AKAP11: variants seen among roughly 807,000 people sequenced by gnomAD.
AKAP11 encodes the protein A-kinase anchoring protein 11, also known as A-kinase anchor protein 11.
A neutral mutation model predicts 146.1 loss-of-function variants in AKAP11; 36 were observed. The observed-to-expected ratio is 0.25, with a 90% CI of 0.19 to 0.33. The LOEUF (loss-of-function observed/expected upper bound fraction) is 0.33. AKAP11 is among the 10% of genes least tolerant of loss of function. AKAP11 has a pLI of 1.00. For synonymous variants in AKAP11, 780 were observed against 786.5 expected (o/e 0.99, Z 0.14); for missense variants, 2,201 against 2,197.0 (o/e 1.00, Z -0.04).
At chr13:42,317,825 A>G in intron 12 of AKAP11, 137 bp downstream of exon 12, 1 of 948,182 alleles carries the variant, frequency 1.1e-6, no homozygotes, top group Middle Eastern at 3.4e-4. Flanking sequence ...TTCAGACATC[A>G]GCTCTGCCAC....
In AKAP11 at chr13:42,302,764, A is replaced by G; in HGVS notation, c.4018A>G (p.Ser1340Gly). The change falls in exon 8 of 13, where the codon AGT becomes GGT. Residue 1340 changes from serine to glycine, a missense_variant. By Grantham distance (56) the Ser-to-Gly change is moderately conservative (BLOSUM62 0). Coordinates refer to ENST00000025301, the MANE Select transcript of AKAP11 (RefSeq NM_016248.4). ...GATGTATAAGTATCCCAGCTGTGAA[A>G]GTGTGACAGATGAATATGCAGGTCA... ...GLMYKYPSCE[S>G]VTDEYAGHLI... is the part of the protein sequence containing the mutation. 6.2e-7 allele frequency: 1 copy of G among 1,614,178 alleles called. No homozygotes were observed. The highest frequency in any genetic ancestry group is 8.5e-7 in the Non-Finnish European group (1 of 1,180,022).
chr13:42,296,141 T>G (rs189169398), intron 5 of AKAP11, among the ~76,000 whole-genome samples: 2 of 152,316 alleles, frequency 1.3e-5, no homozygotes, highest in Admixed American at 1.3e-4. Context: ...AGGCATACTT[T>G]TCTTTTTCCC....
At position 42,291,400 on chromosome 13, in the gene AKAP11, G is replaced by A. The variant is rs145080122; in HGVS notation, c.52-985G>A. 8.7e-3 allele frequency among the ~76,000 whole-genome samples: 1,326 copies of A among 152,184 alleles called. 15 individuals carry two copies. The highest frequency in any genetic ancestry group is 0.079 in the East Asian group (409 of 5,170). On this transcript the variant is annotated intron_variant, in intron 3 of 12. Coordinates refer to ENST00000025301, the MANE Select transcript of AKAP11 (RefSeq NM_016248.4). Reference sequence around the variant, plus strand: ...TCCGAGCAGCTGGGATTACAGGCACGTGGCACCATGCCAGGCTAATTTGTG... The same window carrying A: ...TCCGAGCAGCTGGGATTACAGGCACATGGCACCATGCCAGGCTAATTTGTG...
At chr13:42,296,484 T>C (rs1042884001) in intron 5 of AKAP11, among the ~76,000 whole-genome samples, 2 of 152,284 alleles carry the variant, frequency 1.3e-5, no homozygotes, top group East Asian at 1.9e-4. Flanking sequence ...TCAAAGACTT[T>C]AATAATTCTT....
chr13:42,290,875 G>A (rs1202803162), intron 3 of AKAP11, among the ~76,000 whole-genome samples: 1 of 152,136 alleles, frequency 6.6e-6, no homozygotes, highest in African/African-American at 2.4e-5. Context: ...TTTCCCCAGG[G>A]AAATCTAGTT....
rs1960027559 is a variant in AKAP11 at position 42,302,924 on chromosome 13, C to T, written c.4178C>T (p.Ser1393Leu). 6.2e-7 allele frequency: 1 copy of T among 1,613,776 alleles called. No individual in the cohort carries two copies. The highest frequency in any genetic ancestry group is 2.2e-5 in the East Asian group (1 of 44,866). ...AAKTTKVQCN[S>L]RMFPVPSSQV... The stretch of plus-strand genomic sequence containing the variant: ...AAGACAACCAAAGTGCAGTGCAACT[C>T]AAGAATGTTCCCTGTGCCAAGTTCA... Residue 1393 changes from serine to leucine, a missense_variant, in exon 8 of 13, where the codon TCA (serine) becomes TTA (leucine). By Grantham distance (145) the Ser-to-Leu change is moderately radical. This residue lies in a region of AKAP11 where 1,867 missense variants were observed against 1,833.5 expected (regional missense o/e 1.02). Coordinates refer to ENST00000025301, the MANE Select transcript of AKAP11 (RefSeq NM_016248.4).
rs755780952 is a variant in AKAP11, at chr13:42,301,253, T to C, written c.2507T>C (p.Ile836Thr). The C allele has an allele frequency of 1.1e-5, 18 of 1,613,856 alleles. No homozygotes were observed. Among genetic ancestry groups the C allele is most frequent in the Admixed American group, 1.7e-5 (1 of 59,964 alleles). Residue 836 changes from isoleucine (I) to threonine (T), a missense_variant, in exon 8 of 13, where the codon ATT (isoleucine) becomes ACT (threonine). By Grantham distance (89) the Ile-to-Thr change is moderately conservative. This residue lies in a region of AKAP11 where 1,867 missense variants were observed against 1,833.5 expected (regional missense o/e 1.02). Transcript: ENST00000025301. ...REEKAACLRN[I>T]CLPSEHNPGN... ...GAAAAAGCAGCTTGTCTCAGAAATATTTGTTTACCTTCAGAACACAATCCA... is the reference window on the plus strand; with the variant it reads ...GAAAAAGCAGCTTGTCTCAGAAATACTTGTTTACCTTCAGAACACAATCCA...
chr13:42,273,458 G>C (rs1335648670), intron 1 of AKAP11, among the ~76,000 whole-genome samples: 1 of 151,804 alleles, frequency 6.6e-6, no homozygotes. Context: ...ACCCAGGGGT[G>C]GACAGTGAAT....
chr13:42,314,454 A>C (rs1345953698), intron 11 of AKAP11, among the ~76,000 whole-genome samples: 2 of 113,654 alleles, frequency 1.8e-5, no homozygotes, highest in Non-Finnish European at 4.0e-5. Context: ...CTTAAAAAAA[A>C]AAAAAAAAAA....
intron 4 of AKAP11, among the ~76,000 whole-genome samples, chr13:42,295,322 G>A (rs532844590): frequency 6.6e-6 from 1 of 152,344 alleles, no homozygotes; most frequent in East Asian, 1.9e-4. Context: ...ACCTCACTTA[G>A]GATTTTGCCA....
At chr13:42,282,169 A>G (rs1959076599) in intron 1 of AKAP11, among the ~76,000 whole-genome samples, 1 of 150,764 alleles carries the variant, frequency 6.6e-6, no homozygotes, top group African/African-American at 2.4e-5. Flanking sequence ...GGGTTTTGCC[A>G]TGTTGCCCAG....
intron 8 of AKAP11, among the ~76,000 whole-genome samples, chr13:42,307,995 A>G (rs954280110): frequency 8.5e-5 from 13 of 152,168 alleles, no homozygotes; most frequent in African/African-American, 3.1e-4. Flanking sequence ...TCTTGAAGAG[A>G]TTTGGTTAGT....
At chr13:42,279,265 A>ACC (rs1428569424) in intron 1 of AKAP11, among the ~76,000 whole-genome samples, 7 of 143,258 alleles carry the variant, frequency 4.9e-5, no homozygotes, top group African/African-American at 7.7e-5. Flanking sequence ...GTGCACACCC[A>ACC]CACACACACA....
chr13:42,305,278 T>G (rs758808932), intron 8 of AKAP11, among the ~76,000 whole-genome samples: 11 of 152,216 alleles, frequency 7.2e-5, no homozygotes, highest in Non-Finnish European at 1.5e-4. Context: ...GTCTGCCTCT[T>G]TTCTTATCCA....
chr13:42,302,232 C>G lies in AKAP11; in HGVS notation c.3486C>G (p.Phe1162Leu). Residue 1162 changes from phenylalanine to leucine, a missense_variant, in exon 8 of 13, where the codon TTC becomes TTG. Transcript: ENST00000025301. ...NEQNTIEKEE[F>L]MLKLMRSLSE... ...AAAATACTATAGAAAAAGAAGAGTT[C>G]ATGTTGAAACTCATGCGATCTCTTT... is the stretch of plus-strand genomic sequence containing the variant. 2.5e-6 allele frequency: 4 copies of G among 1,614,128 alleles called. No individual in the cohort carries two copies. Among genetic ancestry groups the G allele is most frequent in the Non-Finnish European group, 3.4e-6 (4 of 1,180,010 alleles).
intron 3 of AKAP11, among the ~76,000 whole-genome samples, chr13:42,288,892 A>G (rs568629458): frequency 1.1e-4 from 17 of 152,220 alleles, no homozygotes; most frequent in Admixed American, 9.2e-4. Flanking sequence ...TAAAGGTTTA[A>G]TTGGATCAGG....
At chr13:42,294,528 G>T (rs1040007793) in intron 4 of AKAP11, among the ~76,000 whole-genome samples, 5 of 151,740 alleles carry the variant, frequency 3.3e-5, no homozygotes, top group African/African-American at 9.7e-5. Context: ...TCAGCCTCCC[G>T]AGTAGCTGGG....
chr13:42,303,323 G>A lies in AKAP11; in HGVS notation c.4577G>A (p.Ser1526Asn), dbSNP rs1314633165. Residue 1526 changes from serine to asparagine, a missense_variant, in exon 8 of 13, where the codon AGT becomes AAT. Ser to Asn is a conservative substitution (Grantham distance 46). This residue lies in a region of AKAP11 where 1,867 missense variants were observed against 1,833.5 expected (regional missense o/e 1.02). Transcript: ENST00000025301. Reference protein sequence around the residue: ...QNHRFYHSTGSLNGYGCGDNV... With the variant: ...QNHRFYHSTGNLNGYGCGDNV... ...CACAGGTTTTACCACAGCACTGGCA[G>A]TTTAAATGGATATGGTTGTGGAGAC... 61 of 1,612,442 alleles carry A rather than the reference G, an allele frequency of 3.8e-5. No homozygotes were observed. The highest frequency in any genetic ancestry group is 4.5e-5 in the Non-Finnish European group (53 of 1,180,034).
intron 1 of AKAP11, among the ~76,000 whole-genome samples, chr13:42,283,762 C>G (rs1366075240): frequency 2.0e-5 from 3 of 152,312 alleles, no homozygotes; most frequent in East Asian, 3.9e-4. Flanking sequence ...ATTGTTGTTT[C>G]CTATCTCTTT....
Sources: gnomAD v4.1 joint callset for allele counts (sites outside exome capture counted in the v4.1 genomes callset) on GRCh38, gnomAD v4.1.1 for gene constraint, gnomAD v4.1.1 regional missense constraint, MANE v1.5 for transcripts, NCBI Gene and HGNC (gene_info 2026-07-23, HGNC 2026-07-21) for gene names.